CARMIL2: variants seen among roughly 807,000 people sequenced by gnomAD.
CARMIL2 encodes capping protein, Arp2/3 and myosin-I linker protein 2.
In CARMIL2, 96 loss-of-function variants were observed where a neutral mutation model predicts 173.3. The ratio of observed to expected loss-of-function variants is 0.55; its 90% CI spans 0.47 to 0.66. The LOEUF (loss-of-function observed/expected upper bound fraction) is 0.66, where lower values mean the gene tolerates loss of function less well. Ranked by LOEUF, CARMIL2 falls within the 30% of genes least tolerant of loss-of-function variation. The probability of loss-of-function intolerance (pLI) is 0.00; values close to 1 mark genes in which losing one functional copy is unlikely to be tolerated. For synonymous variants in CARMIL2, 830 were observed against 817.1 expected, an observed-to-expected ratio of 1.02 and a Z score of -0.27; for missense variants, 1,771 against 1,906.7, an observed-to-expected ratio of 0.93 and a Z score of 1.33.
rs62059341 is a variant in CARMIL2, at chr16:67,651,827, A to T, written c.2570A>T (p.Asp857Val). 7.2e-3 allele frequency: 11,637 copies of T among 1,612,308 alleles called. 64 individuals are homozygous for T. The highest frequency in any genetic ancestry group is 8.2e-3 in the Non-Finnish European group (9,680 of 1,179,544). Residue 857 changes from aspartate (D) to valine (V), a missense_variant, in exon 25 of 38, where the codon GAT (aspartate) becomes GTT (valine). By Grantham distance (152) the Asp-to-Val change is radical. Transcript: ENST00000334583. The surrounding 1 kb of genome is among the most constrained non-coding windows in gnomAD (Gnocchi z 4.2). ...CTGCTCCCAGAGCAGCTGCTGCAAG[A>T]TGCCTTCACTAGGCTCAGGTAGGCT... ...PELLPEQLLQDAFTRLRDMRL... is the reference protein window; with the variant it reads ...PELLPEQLLQVAFTRLRDMRL...
In CARMIL2 at chr16:67,654,687, G is replaced by T; in HGVS notation, c.3577G>T (p.Asp1193Tyr). The T allele has an allele frequency of 1.3e-6, 2 of 1,592,948 alleles. No homozygotes were observed. Among genetic ancestry groups the T allele is most frequent in the South Asian group, 1.1e-5 (1 of 88,308 alleles). Residue 1193 changes from aspartate (D) to tyrosine (Y), a missense_variant, in exon 31 of 38, where the codon GAC (aspartate) becomes TAC (tyrosine). Asp to Tyr is a radical substitution (Grantham distance 160). Transcript: ENST00000334583. ...GGAGGCAACGCTGGGTGCCAGACCCGACAAGGTGAGGCTTGCTGATGGGGG... is the reference window on the plus strand; with the variant it reads ...GGAGGCAACGCTGGGTGCCAGACCCTACAAGGTGAGGCTTGCTGATGGGGG... ...EEEATLGARP[D>Y]KRRPLERGET...
chr16:67,645,454 C>T, intron 1 of CARMIL2, 86 bp from the exon 2 acceptor site: 1 of 1,410,328 alleles, frequency 7.1e-7, no homozygotes, highest in Non-Finnish European at 9.8e-7. Context: ...GCAGATAAGC[C>T]CCAGGGCCCC....
chr16:67,645,734 G>C lies in CARMIL2; in HGVS notation c.143G>C (p.Arg48Pro), dbSNP rs576724511. 2 of 1,613,158 alleles carry C rather than the reference G, an allele frequency of 1.2e-6. No homozygotes were observed. Among genetic ancestry groups the C allele is most frequent in the Admixed American group, 1.7e-5 (1 of 60,008 alleles). Residue 48 changes from arginine to proline, a missense_variant, in exon 3 of 38, where the codon CGA (arginine) becomes CCA (proline). Coordinates refer to ENST00000334583, the MANE Select transcript of CARMIL2 (RefSeq NM_001013838.3). Reference sequence around the variant, plus strand: ...ACTGTCTTTCCCCAGGCACTGCTACGATGGAGAGCCTACCTGCTGCACACC... The same window carrying C: ...ACTGTCTTTCCCCAGGCACTGCTACCATGGAGAGCCTACCTGCTGCACACC... ...AVQNHVLALL[R>P]WRAYLLHTTC...
rs775539141 is a variant in CARMIL2 at position 67,651,930 on chromosome 16, G to A, written c.2598G>A (p.Arg866=). 5.6e-6 allele frequency: 9 copies of A among 1,613,520 alleles called. No homozygotes were observed. In the Admixed American group the frequency reaches 1.3e-4, roughly 24 times the overall value. ...QDAFTRLRDM[R]LSITGTLAES... Reference sequence around the variant, plus strand: ...CCTCTCCTGCCCTTAGGGACATGCGGCTATCAATCACGGGGACCTTGGCAG... The same window carrying A: ...CCTCTCCTGCCCTTAGGGACATGCGACTATCAATCACGGGGACCTTGGCAG... Residue 866 remains arginine (R), a synonymous_variant, in exon 26 of 38, where the codon CGG becomes CGA. Coordinates refer to ENST00000334583, the MANE Select transcript of CARMIL2 (RefSeq NM_001013838.3). The surrounding 1 kb of genome is among the most constrained non-coding windows in gnomAD (Gnocchi z 4.2).
chr16:67,655,936 G>C, intron 32 of CARMIL2, 95 bp from the exon 33 acceptor site: 3 of 1,435,268 alleles, frequency 2.1e-6, no homozygotes, highest in Non-Finnish European at 2.9e-6. Flanking sequence ...CCCATGGTGG[G>C]CATTCAGTGG....
rs1269236679 is a variant in CARMIL2, at chr16:67,647,577, C to G, written c.846C>G (p.Leu282=). 1 of 1,610,962 alleles carries G rather than the reference C, an allele frequency of 6.2e-7. No individual in the cohort carries two copies. Among genetic ancestry groups the G allele is most frequent in the Non-Finnish European group, 8.5e-7 (1 of 1,178,858 alleles). ...HSSSGLRELS[L]AGNLLDDRGM... Reference sequence around the variant, plus strand: ...GCTCTGGGCTGCGGGAGCTCAGCCTCGCGGGGAACCTGCTGGATGACCGAG... The same window carrying G: ...GCTCTGGGCTGCGGGAGCTCAGCCTGGCGGGGAACCTGCTGGATGACCGAG... Residue 282 remains leucine (L), a synonymous_variant, in exon 11 of 38, where the codon CTC becomes CTG. Transcript: ENST00000334583.
intron 31 of CARMIL2, 37 bp from the exon 32 acceptor site, chr16:67,654,741 C>G (rs757555433): frequency 8.1e-6 from 13 of 1,610,744 alleles, no homozygotes; most frequent in Non-Finnish European, 8.5e-7. Context: ...GGACCCAGGG[C>G]GCGGACTGTC....
rs1439702004 is a variant in CARMIL2 at position 67,656,482 on chromosome 16, A to G, written c.3873A>G (p.Thr1291=). 3.7e-6 allele frequency: 6 copies of G among 1,612,812 alleles called. No homozygotes were observed. In the South Asian group the frequency reaches 6.6e-5, roughly 18 times the overall value. The change falls in exon 35 of 38, where the codon ACA becomes ACG. Residue 1291 remains threonine, a synonymous_variant. Coordinates refer to ENST00000334583, the MANE Select transcript of CARMIL2 (RefSeq NM_001013838.3). ...SQGPESATWK[T]LGQQLNAELR... is the part of the protein sequence containing the mutation. ...GGCCTGAGTCTGCCACCTGGAAGAC[A>G]CTGGGGCAGCAGTTGAATGCGGAGC... is the stretch of plus-strand genomic sequence containing the variant.
chr16:67,653,168 G>A lies in CARMIL2; in HGVS notation c.3034G>A (p.Ala1012Thr). The change falls in exon 29 of 38, where the codon GCG becomes ACG. Residue 1012 changes from alanine (A) to threonine (T), a missense_variant. Transcript: ENST00000334583. The surrounding 1 kb of genome is among the most constrained non-coding windows in gnomAD (Gnocchi z 7.4). ...GPLPRMDLPLAGQPLRHPTRA... is the reference protein window; with the variant it reads ...GPLPRMDLPLTGQPLRHPTRA... ...GCTGCCCCGCATGGACCTGCCACTGGCGGGGCAGCCCCTGCGCCATCCGAC... is the reference window on the plus strand; with the variant it reads ...GCTGCCCCGCATGGACCTGCCACTGACGGGGCAGCCCCTGCGCCATCCGAC... The A allele has an allele frequency of 9.0e-7, 1 of 1,112,036 alleles. No individual in the cohort carries two copies. The highest frequency in any genetic ancestry group is 1.1e-6 in the Non-Finnish European group (1 of 911,024). 68.9% of individuals were successfully genotyped at this position (1,112,036 alleles called of 1,614,324 possible).
In CARMIL2 at chr16:67,656,109, G is replaced by T. The variant is rs202014858; in HGVS notation, c.3742+42G>T. 10 of 1,610,944 alleles carry T rather than the reference G, an allele frequency of 6.2e-6. No homozygotes were observed. In the Admixed American group the frequency reaches 1.5e-4, roughly 24 times the overall value. ...GGTGTGGCAGTACATTTGCCAGGAG[G>T]TGTCCTTATAGACAGCCCCCAAGGC... On this transcript the variant is annotated intron_variant, in intron 33 of 37. Transcript: ENST00000334583.
intron 36 of CARMIL2, 98 bp downstream of exon 36, chr16:67,656,979 C>T (rs2052874704): frequency 3.0e-6 from 3 of 1,014,736 alleles, no homozygotes; most frequent in African/African-American, 1.6e-5. Flanking sequence ...GAGGGAGCCA[C>T]CAGTGTGTGA....
chr16:67,651,055 G>A lies in CARMIL2; in HGVS notation c.2185-132G>A. 1 of 987,360 alleles carries A rather than the reference G, an allele frequency of 1.0e-6. No homozygotes were observed. The highest frequency in any genetic ancestry group is 2.6e-5 in the East Asian group (1 of 37,832). 61.2% of individuals were successfully genotyped at this position (987,360 alleles called of 1,614,324 possible). ...AGTTCCTTCCCTCCTTGAACAGATA[G>A]GGTTCCAAAGTGGCTGGTCTAAGGG... is the stretch of plus-strand genomic sequence containing the variant. On this transcript the variant is annotated intron_variant, in intron 22 of 37. Coordinates refer to ENST00000334583, the MANE Select transcript of CARMIL2 (RefSeq NM_001013838.3). This position sits in a 1 kb window ranked among gnomAD's most constrained non-coding sequence, Gnocchi z 4.2.
Position 67,648,400 on chromosome 16 carries a change from A to T in CARMIL2, c.1337A>T (p.Lys446Met). 1 of 1,530,868 alleles carries T rather than the reference A, an allele frequency of 6.5e-7. No homozygotes were observed. Among genetic ancestry groups the T allele is most frequent in the Non-Finnish European group, 8.7e-7 (1 of 1,144,964 alleles). The allele number at this position is 1,530,868 out of a possible 1,614,324, so 94.8% of individuals were successfully genotyped here. Residue 446 changes from lysine to methionine, a missense_variant and splice_region_variant, in exon 15 of 38, where the codon AAG (lysine) becomes ATG (methionine). Around this residue, in one of 3 missense-constraint regions of CARMIL2, gnomAD observed 944 missense variants for 975.6 expected, o/e 0.97. Transcript: ENST00000334583. The surrounding 1 kb of genome is among the most constrained non-coding windows in gnomAD (Gnocchi z 6.1). ...GCCCACCTTCCCACTTCCCCCAGGA[A>T]GTCCCGCGCCGCGCCGGCCGCGCTG... is the stretch of plus-strand genomic sequence containing the variant. Reference protein sequence around the residue: ...DASRNVFSRTKSRAAPAALQL... With the variant: ...DASRNVFSRTMSRAAPAALQL...
At position 67,645,155 on chromosome 16, in the gene CARMIL2, G is replaced by A. The variant is rs2052569740; in HGVS notation, c.-92G>A. ...GCCGCCGGAGGAGCAGGTGGCTGCCGTGCGGGTCTGGGCCCCAGGCTTCCT... is the reference window on the plus strand; with the variant it reads ...GCCGCCGGAGGAGCAGGTGGCTGCCATGCGGGTCTGGGCCCCAGGCTTCCT... On this transcript the variant is annotated 5_prime_UTR_variant, in exon 1 of 38. It adds an upstream start codon to the 5' untranslated region. Transcript: ENST00000334583. 2 of 967,502 alleles carry A rather than the reference G, an allele frequency of 2.1e-6. No homozygotes were observed. The highest frequency in any genetic ancestry group is 2.7e-5 in the Admixed American group (1 of 36,462). 59.9% of individuals were successfully genotyped at this position (967,502 alleles called of 1,614,324 possible).
At position 67,649,674 on chromosome 16, in the gene CARMIL2, G is replaced by A. The variant is rs1264706574; in HGVS notation, c.1919+55G>A. The A allele has an allele frequency of 6.4e-7, 1 of 1,557,498 alleles. No individual in the cohort carries two copies. The highest frequency in any genetic ancestry group is 8.7e-7 in the Non-Finnish European group (1 of 1,154,850). The stretch of plus-strand genomic sequence containing the variant: ...GGGCAGGGGGCGCGGTGGAGAGGAG[G>A]GCACCGGGCTAAGGGGAGGGACTGA... On this transcript the variant is annotated intron_variant, in intron 20 of 37. Transcript: ENST00000334583. The surrounding 1 kb of genome is among the most constrained non-coding windows in gnomAD (Gnocchi z 6.7).
In CARMIL2 at chr16:67,649,052, G is replaced by T; in HGVS notation, c.1592-24G>T. ...CACCCTACCCTTGCAACTTCGCCTC[G>T]TGCGTGACCCGAGTCACCCCCAGGC... On this transcript the variant is annotated intron_variant, in intron 17 of 37. Coordinates refer to ENST00000334583, the MANE Select transcript of CARMIL2 (RefSeq NM_001013838.3). This position sits in a 1 kb window ranked among gnomAD's most constrained non-coding sequence, Gnocchi z 6.7. 1 of 1,608,976 alleles carries T rather than the reference G, an allele frequency of 6.2e-7. No homozygotes were observed. Among genetic ancestry groups the T allele is most frequent in the South Asian group, 1.1e-5 (1 of 90,056 alleles).
Position 67,653,578 on chromosome 16 carries a change from C to T in CARMIL2, c.3120+324C>T, listed in dbSNP as rs2052771266. Among the ~76,000 whole-genome samples the T allele has an allele frequency of 6.6e-6, 1 of 152,166 alleles. No homozygotes were observed. Among genetic ancestry groups the T allele is most frequent in the Non-Finnish European group, 1.5e-5 (1 of 68,004 alleles). ...CCCGGGGCTGCTGAGAGATGCCGGG[C>T]AGCCGGGTAGCCGAGCCGCGGGGCC... On this transcript the variant is annotated intron_variant, in intron 29 of 37. Coordinates refer to ENST00000334583, the MANE Select transcript of CARMIL2 (RefSeq NM_001013838.3). The surrounding 1 kb of genome is among the most constrained non-coding windows in gnomAD (Gnocchi z 7.4).
chr16:67,656,990 G>A, intron 36 of CARMIL2, 109 bp downstream of exon 36: 1 of 932,724 alleles, frequency 1.1e-6, no homozygotes, highest in Non-Finnish European at 1.6e-6. Flanking sequence ...CAGTGTGTGA[G>A]GTCTCAAGAA....
intron 1 of CARMIL2, 37 bp downstream of exon 1, chr16:67,645,323 G>C (rs1373015233): frequency 6.3e-7 from 1 of 1,582,214 alleles, no homozygotes; most frequent in East Asian, 2.3e-5. Context: ...TGGCCGGGAG[G>C]AAGTAGTGCA....
Sources: allele counts gnomAD v4.1 joint callset (sites outside exome capture counted in the v4.1 genomes callset), GRCh38; gene constraint gnomAD v4.1.1; regional missense constraint gnomAD v4.1.1; non-coding constraint Gnocchi (gnomAD v3.1); transcripts MANE v1.5; gene names NCBI Gene and HGNC (gene_info 2026-07-23, HGNC 2026-07-21).